Variants in TDRD3 observed in about 807,000 individuals in gnomAD.
The protein encoded by TDRD3 is tudor domain containing 3.
Under a neutral mutation model 86.7 loss-of-function variants are expected in TDRD3, and 45 were observed. That is an observed-to-expected ratio of 0.52 (90% CI 0.41 to 0.67). The LOEUF (loss-of-function observed/expected upper bound fraction) is 0.67, where lower values mean the gene tolerates loss of function less well. Ranked by LOEUF, TDRD3 falls within the 30% of genes least tolerant of loss-of-function variation. TDRD3 has a pLI of 0.00. For missense variants in TDRD3, 814 were observed against 889.0 expected (o/e 0.92, Z 1.07); for synonymous variants, 298 against 301.7 (o/e 0.99, Z 0.13).
intron 5 of TDRD3, among the ~76,000 whole-genome samples, chr13:60,482,686 AC>A (rs1163575425): frequency 6.6e-6 from 1 of 152,208 alleles, no homozygotes; most frequent in Non-Finnish European, 1.5e-5. Context: ...TTTTAAAGAA[AC>A]GTGGCACTCA....
At chr13:60,479,016 G>A (rs896226843) in intron 5 of TDRD3, among the ~76,000 whole-genome samples, 2 of 151,280 alleles carry the variant, frequency 1.3e-5, no homozygotes, top group Admixed American at 1.3e-4. Context: ...CATCTTGGCC[G>A]GGCTGGTCTT....
rs1228071238 is a variant in TDRD3 at position 60,397,344 on chromosome 13, C to T, written c.-21C>T. 2 of 1,471,184 alleles carry T rather than the reference C, an allele frequency of 1.4e-6. No homozygotes were observed. Among genetic ancestry groups the T allele is most frequent in the Non-Finnish European group, 1.8e-6 (2 of 1,107,014 alleles). The allele number at this position is 1,471,184 out of a possible 1,614,324, so 91.1% of individuals were successfully genotyped here. Reference sequence around the variant, plus strand: ...TCACCCCCACCCCAGCCCCCCACCACCCCCGGCCTAAGCAGCTACCATGGC... The same window carrying T: ...TCACCCCCACCCCAGCCCCCCACCATCCCCGGCCTAAGCAGCTACCATGGC... On this transcript the variant is annotated 5_prime_UTR_variant, in exon 1 of 14. Transcript: ENST00000377881.
At position 60,489,821 on chromosome 13, in the gene TDRD3, A is replaced by AT. The variant is rs1956541104; in HGVS notation, c.717+3875dup. 2.0e-5 allele frequency among the ~76,000 whole-genome samples: 3 copies of AT among 152,288 alleles called. No homozygotes were observed. In the South Asian group the frequency reaches 6.2e-4, roughly 32 times the overall value. On this transcript the variant is annotated intron_variant, in intron 7 of 13. Coordinates refer to ENST00000377881, the MANE Select transcript of TDRD3 (RefSeq NM_001146070.2). ...TTATTTTTTTCCAGAAATACATAAA[A>AT]TTATGGAGTTTCAGAAGATATTGAG... is the stretch of plus-strand genomic sequence containing the variant.
chr13:60,573,063 C>T (rs182857424), intron 13 of TDRD3, among the ~76,000 whole-genome samples: 1 of 152,300 alleles, frequency 6.6e-6, no homozygotes, highest in African/African-American at 2.4e-5. Context: ...TAAAATAGGC[C>T]TGGAGCATAC....
intron 5 of TDRD3, among the ~76,000 whole-genome samples, chr13:60,478,336 G>A (rs926302799): frequency 3.6e-5 from 4 of 111,686 alleles, no homozygotes; most frequent in Non-Finnish European, 6.6e-5. Flanking sequence ...GAGTCTCACT[G>A]TGTCTCCCAG....
chr13:60,477,419 T>G (rs1212312184), intron 5 of TDRD3, among the ~76,000 whole-genome samples: 1 of 152,088 alleles, frequency 6.6e-6, no homozygotes, highest in Admixed American at 6.6e-5. Context: ...CTTTCTTTGT[T>G]GCCCAAGCTG....
At position 60,510,733 on chromosome 13, in the gene TDRD3, A is replaced by G; in HGVS notation, c.1119A>G (p.Lys373=). 6.3e-7 allele frequency: 1 copy of G among 1,585,730 alleles called. No individual in the cohort carries two copies. The part of the protein sequence containing the change: ...PSTLFDFLES[K]MGTLNVEEPK... ...CATTATTTGATTTCTTGGAATCTAAAATGGGAACTTTGAATGTGGAAGGTA... is the reference window on the plus strand; with the variant it reads ...CATTATTTGATTTCTTGGAATCTAAGATGGGAACTTTGAATGTGGAAGGTA... The change falls in exon 10 of 14, where the codon AAA becomes AAG. Residue 373 remains lysine (K), a synonymous_variant. Transcript: ENST00000377881.
chr13:60,469,315 A>G (rs1394115980), intron 5 of TDRD3, among the ~76,000 whole-genome samples: 1 of 152,000 alleles, frequency 6.6e-6, no homozygotes, highest in Non-Finnish European at 1.5e-5. Flanking sequence ...AAGTGTGGTA[A>G]AAAGTTCTCA....
In TDRD3 at chr13:60,503,640, G is replaced by A. The variant is rs112031128; in HGVS notation, c.859-6123G>A. Among the ~76,000 whole-genome samples, 535 of 152,214 alleles carry A rather than the reference G, an allele frequency of 3.5e-3. 4 individuals carry two copies. The highest frequency in any genetic ancestry group is 0.012 in the African/African-American group (493 of 41,532). On this transcript the variant is annotated intron_variant, in intron 8 of 13. Coordinates refer to ENST00000377881, the MANE Select transcript of TDRD3 (RefSeq NM_001146070.2). ...GAACCATCCAGAAAGCAAGGTATCC[G>A]GAAAGAAAATTTTGAAACTTGAAGT... is the stretch of plus-strand genomic sequence containing the variant.
chr13:60,534,843 G>A (rs892155112), intron 11 of TDRD3, among the ~76,000 whole-genome samples: 3 of 149,766 alleles, frequency 2.0e-5, no homozygotes, highest in African/African-American at 2.5e-5. Context: ...TGGGAGGATC[G>A]CTTGGGCTGG....
chr13:60,436,104 GGTT>G (rs1594931014), intron 1 of TDRD3, among the ~76,000 whole-genome samples: 1 of 142,770 alleles, frequency 7.0e-6, no homozygotes, highest in East Asian at 1.9e-4. Flanking sequence ...CTTTTGGATG[GGTT>G]GTTTTTTTTT....
chr13:60,483,879 A>G (rs1956371949), intron 6 of TDRD3, 33 bp downstream of exon 6: 1 of 1,606,048 alleles, frequency 6.2e-7, no homozygotes. Context: ...ATGAATTTAA[A>G]TTAGGAAAAA....
At chr13:60,507,562 A>G (rs570967456) in intron 8 of TDRD3, among the ~76,000 whole-genome samples, 32 of 152,354 alleles carry the variant, frequency 2.1e-4, no homozygotes, top group African/African-American at 6.3e-4. Context: ...ATAGGTGGAA[A>G]CTGAACAACC....
Position 60,573,780 on chromosome 13 carries a change from G to T in TDRD3, c.*174G>T. On this transcript the variant is annotated 3_prime_UTR_variant, in exon 14 of 14. Coordinates refer to ENST00000377881, the MANE Select transcript of TDRD3 (RefSeq NM_001146070.2). ...AAAACAGTCAACTCACACAAAGAAT[G>T]GAAAAAAATACTGAGTTAAATTAAG... The T allele has an allele frequency of 2.2e-6, 1 of 449,926 alleles. No individual in the cohort carries two copies. Among genetic ancestry groups the T allele is most frequent in the Non-Finnish European group, 2.9e-6 (1 of 340,720 alleles). 27.9% of individuals were successfully genotyped at this position (449,926 alleles called of 1,614,324 possible).
In TDRD3 at chr13:60,466,323, A is replaced by T. The variant is rs1203648818; in HGVS notation, c.354-915A>T. Among the ~76,000 whole-genome samples, 3 of 152,340 alleles carry T rather than the reference A, an allele frequency of 2.0e-5. No individual in the cohort carries two copies. In the South Asian group the frequency reaches 6.2e-4, roughly 32 times the overall value. On this transcript the variant is annotated intron_variant, in intron 4 of 13. Transcript: ENST00000377881. The stretch of plus-strand genomic sequence containing the variant: ...TTTTCTGTGCACAGCTAAAGCTCAG[A>T]GGGAAAAAATGTCAAATCTTATATA...
intron 10 of TDRD3, 63 bp from the exon 11 acceptor site, chr13:60,528,304 T>A (rs556680437): frequency 2.7e-6 from 4 of 1,469,358 alleles, no homozygotes; most frequent in East Asian, 2.3e-5. Context: ...TAAAGCATTT[T>A]AAAATAATTA....
rs1958395523 is a variant in TDRD3, at chr13:60,564,018, T to C, written c.2119-3507T>C. The stretch of plus-strand genomic sequence containing the variant: ...TTTTCAAAATACCACTTCATTTATG[T>C]TTGGCGTCAATGATTATTGCGGTTT... On this transcript the variant is annotated intron_variant, in intron 12 of 13. Transcript: ENST00000377881. 2.0e-5 allele frequency among the ~76,000 whole-genome samples: 3 copies of C among 152,344 alleles called. No homozygotes were observed. In the South Asian group the frequency reaches 6.2e-4, roughly 32 times the overall value.
chr13:60,558,387 C>T (rs1958250605), intron 12 of TDRD3, among the ~76,000 whole-genome samples: 2 of 152,076 alleles, frequency 1.3e-5, no homozygotes, highest in Non-Finnish European at 2.9e-5. Flanking sequence ...ATGTCTTAAC[C>T]ATAAAATATT....
chr13:60,514,388 C>T (rs968254877), intron 10 of TDRD3, among the ~76,000 whole-genome samples: 1 of 152,142 alleles, frequency 6.6e-6, no homozygotes, highest in Admixed American at 6.6e-5. Flanking sequence ...GACACCTGCT[C>T]CTTGGATGAG....
Sources: gnomAD v4.1 joint callset for allele counts (sites outside exome capture counted in the v4.1 genomes callset) on GRCh38, gnomAD v4.1.1 for gene constraint, MANE v1.5 for transcripts, NCBI Gene and HGNC (gene_info 2026-07-23, HGNC 2026-07-21) for gene names.